MTDH: variants seen among roughly 807,000 people sequenced by gnomAD.
MTDH encodes metadherin.
In MTDH, 34 loss-of-function variants were observed where a neutral mutation model predicts 72.7. That is an observed-to-expected ratio of 0.47 (90% CI 0.36 to 0.62). The LOEUF (loss-of-function observed/expected upper bound fraction) is 0.62, where lower values mean the gene tolerates loss of function less well. MTDH is among the 20% of genes least tolerant of loss of function. The probability of loss-of-function intolerance (pLI) is 0.00; values close to 1 mark genes in which losing one functional copy is unlikely to be tolerated. For missense variants in MTDH, 677 were observed against 699.4 expected (o/e 0.97, Z 0.36); for synonymous variants, 266 against 268.9 (o/e 0.99, Z 0.10).
chr8:97,653,199 A>G (rs1443857548), intron 1 of MTDH, among the ~76,000 whole-genome samples: 1 of 152,256 alleles, frequency 6.6e-6, no homozygotes, highest in Admixed American at 6.5e-5. Context: ...ATGATTTTAC[A>G]GAAGAGAAAT....
intron 2 of MTDH, among the ~76,000 whole-genome samples, chr8:97,674,473 G>T (rs903944418): frequency 1.1e-4 from 16 of 152,126 alleles, no homozygotes; most frequent in Non-Finnish European, 1.5e-4. Context: ...ATGCTTCTTG[G>T]ATAATCCATG....
chr8:97,683,045 CTTTTTTTTTTTTTTTTTTTTT>C lies in MTDH; in HGVS notation c.484-3606_484-3586del, dbSNP rs71271144. Among the ~76,000 whole-genome samples the C allele has an allele frequency of 8.3e-4, 37 of 44,386 alleles. No homozygotes were observed. The South Asian group carries it at 0.013, about 16-fold the overall frequency. The allele number at this position is 44,386 out of a possible 152,430, so 29.1% of individuals were successfully genotyped here. ...CTTTACCCTATGATGCTCTTAGACA[CTTTTTTTTTTTTTTTTTTTTT>C]TTTTTTTTTTTTTTTTGAGATGGAG... On this transcript the variant is annotated intron_variant, in intron 2 of 11. Coordinates refer to ENST00000336273, the MANE Select transcript of MTDH (RefSeq NM_178812.4).
intron 5 of MTDH, 43 bp downstream of exon 5, chr8:97,689,146 A>G (rs553044507): frequency 6.7e-6 from 7 of 1,041,328 alleles, no homozygotes; most frequent in Non-Finnish European, 1.0e-5. Context: ...GCCCATCAAA[A>G]TAGAAATTTA....
chr8:97,665,791 G>A (rs1444386655), intron 2 of MTDH, among the ~76,000 whole-genome samples: 1 of 152,154 alleles, frequency 6.6e-6, no homozygotes, highest in Non-Finnish European at 1.5e-5. Flanking sequence ...TTTTCAACTG[G>A]CAGCAACATT....
At chr8:97,690,113 T>G (rs1406201138) in intron 5 of MTDH, among the ~76,000 whole-genome samples, 1 of 151,638 alleles carries the variant, frequency 6.6e-6, no homozygotes, top group Non-Finnish European at 1.5e-5. Flanking sequence ...TGCTTCAGCC[T>G]CCTGAGTAGC....
chr8:97,668,643 C>T (rs538585132), intron 2 of MTDH, among the ~76,000 whole-genome samples: 3 of 152,202 alleles, frequency 2.0e-5, no homozygotes, highest in African/African-American at 4.8e-5. Context: ...CAACCTCTGC[C>T]TCCCAGGTTC....
intron 9 of MTDH, among the ~76,000 whole-genome samples, chr8:97,715,665 T>A: frequency 6.6e-6 from 1 of 152,224 alleles, no homozygotes; most frequent in East Asian, 1.9e-4. Flanking sequence ...CTGGAGCTGG[T>A]AGATGAGAAA....
Position 97,644,813 on chromosome 8 carries a change from C to G in MTDH, c.307C>G (p.Leu103Val), listed in dbSNP as rs188271601. ...CGTGCCGGCCGCGGCCCCCGACGAC[C>G]TGGCCTTGCTGAAGAATCTCCGGAG... ...AAVPAAAPDD[L>V]ALLKNLRSEE... The change falls in exon 1 of 12, where the codon CTG becomes GTG. Residue 103 changes from leucine to valine, a missense_variant. Physicochemically the swap from Leu to Val is conservative, Grantham distance 32. This residue lies in a region of MTDH where 467 missense variants were observed against 469.1 expected (regional missense o/e 1.00). Transcript: ENST00000336273. The G allele has an allele frequency of 3.6e-3, 5,693 of 1,574,454 alleles. 38 individuals carry two copies. Among genetic ancestry groups the G allele is most frequent in the Middle Eastern group, 0.025 (147 of 5,880 alleles).
chr8:97,689,880 TTA>T (rs1475484525), intron 5 of MTDH, among the ~76,000 whole-genome samples: 2 of 151,896 alleles, frequency 1.3e-5, no homozygotes, highest in Non-Finnish European at 2.9e-5. Flanking sequence ...GCTAATTTTT[TTA>T]TTTTTTAGTA....
rs758355087 is a variant in MTDH at position 97,724,640 on chromosome 8, AAAG to A, written c.1725_1727del (p.Lys577del). On this transcript the variant is annotated inframe_deletion, in exon 12 of 12. Transcript: ENST00000336273. ...GCTGGGAATCTCCCAAACAAATAAA[AAAG>A]AAGAAAAAAGCCAGACGAGAAACGT... 1.3e-6 allele frequency: 2 copies of A among 1,595,420 alleles called. No individual in the cohort carries two copies.
At chr8:97,715,037 CTGGTCTCAAGTGATG>C (rs1286693984) in intron 9 of MTDH, among the ~76,000 whole-genome samples, 4 of 152,172 alleles carry the variant, frequency 2.6e-5, no homozygotes, top group Admixed American at 1.3e-4. Context: ...GTTAGCCAGG[CTGGTCTCAAGTGATG>C]TGGTCTCAAG....
At chr8:97,696,154 C>G in intron 6 of MTDH, 1 of 726,476 alleles carries the variant, frequency 1.4e-6, no homozygotes, top group Non-Finnish European at 1.7e-6. Flanking sequence ...ACATATCTTT[C>G]AAGTCTGATG....
At chr8:97,724,323 A>AACCC (rs1815272880) in intron 11 of MTDH, among the ~76,000 whole-genome samples, 1 of 152,014 alleles carries the variant, frequency 6.6e-6, no homozygotes, top group South Asian at 2.1e-4. Context: ...CTCTTTTATT[A>AACCC]GTTAGGTTGA....
chr8:97,675,743 A>G (rs1812816822), intron 2 of MTDH, among the ~76,000 whole-genome samples: 1 of 150,410 alleles, frequency 6.6e-6, no homozygotes, highest in Non-Finnish European at 1.5e-5. Context: ...GTGGTAGCGT[A>G]TGCCTGTAGT....
chr8:97,716,403 A>G (rs1029165946), intron 9 of MTDH, among the ~76,000 whole-genome samples: 1 of 139,560 alleles, frequency 7.2e-6, no homozygotes, highest in Non-Finnish European at 1.5e-5. Context: ...AAGAAAAAAA[A>G]AGTTAGGCCG....
chr8:97,648,885 T>C (rs933940957), intron 1 of MTDH, among the ~76,000 whole-genome samples: 1 of 152,076 alleles, frequency 6.6e-6, no homozygotes, highest in African/African-American at 2.4e-5. Flanking sequence ...CTTACTCCTA[T>C]TATTCATGCT....
chr8:97,676,418 G>A (rs915162455), intron 2 of MTDH, among the ~76,000 whole-genome samples: 2 of 152,144 alleles, frequency 1.3e-5, no homozygotes, highest in Admixed American at 1.3e-4. Context: ...TTTTTGGCAT[G>A]AATTGTACAC....
chr8:97,670,954 T>G (rs1221201645), intron 2 of MTDH, among the ~76,000 whole-genome samples: 87 of 74,764 alleles, frequency 1.2e-3, no homozygotes, highest in Middle Eastern at 7.0e-3. Flanking sequence ...TTGTTGTTGT[T>G]TTTTTTTTTT....
In MTDH at chr8:97,678,594, C is replaced by CTTTTTTTTTTTTTTTT. The variant is rs35895126; in HGVS notation, c.484-8065_484-8050dup. ...GTTTCCTTTGCTTCCTTCCTTCCTT[C>CTTTTTTTTTTTTTTTT]TTTTTTTTTTTTTTTTTTTTTTTTG... On this transcript the variant is annotated intron_variant, in intron 2 of 11. Coordinates refer to ENST00000336273, the MANE Select transcript of MTDH (RefSeq NM_178812.4). Among the ~76,000 whole-genome samples, 51 of 85,322 alleles carry CTTTTTTTTTTTTTTTT rather than the reference C, an allele frequency of 6.0e-4. 4 individuals are homozygous for CTTTTTTTTTTTTTTTT. Among genetic ancestry groups the CTTTTTTTTTTTTTTTT allele is most frequent in the African/African-American group, 2.4e-3 (48 of 20,008 alleles). The allele number at this position is 85,322 out of a possible 152,430, so 56.0% of individuals were successfully genotyped here.
Sources: allele counts gnomAD v4.1 joint callset (sites outside exome capture counted in the v4.1 genomes callset), GRCh38; gene constraint gnomAD v4.1.1; regional missense constraint gnomAD v4.1.1; transcripts MANE v1.5; gene names NCBI Gene and HGNC (gene_info 2026-07-23, HGNC 2026-07-21).